The following POLD1 variants were observed in gnomAD, a reference collection of about 807,000 sequenced individuals.
POLD1 encodes DNA polymerase delta catalytic subunit.
POLD1 carries 79 observed loss-of-function variants against 129.7 expected under a neutral mutation model. The observed-to-expected ratio is 0.61, with a 90% confidence interval of 0.51 to 0.73. The LOEUF (loss-of-function observed/expected upper bound fraction) is 0.73, where lower values mean the gene tolerates loss of function less well. Ranked by LOEUF, POLD1 falls within the 30% of genes least tolerant of loss-of-function variation. POLD1 has a pLI of 0.00. For missense variants in POLD1, 1,338 were observed against 1,595.8 expected (o/e 0.84, Z 2.75); for synonymous variants, 714 against 683.3 (o/e 1.04, Z -0.70).
chr19:50,391,517 G>A (rs1223726198), intron 1 of POLD1, among the ~76,000 whole-genome samples: 2 of 152,176 alleles, frequency 1.3e-5, no homozygotes, highest in Non-Finnish European at 2.9e-5. Context: ...CCAACACGGC[G>A]AAACCCCGTC....
chr19:50,394,854 A>C (rs1174764428), intron 1 of POLD1, among the ~76,000 whole-genome samples: 1 of 151,762 alleles, frequency 6.6e-6, no homozygotes, highest in African/African-American at 2.4e-5. Context: ...TTGTTTTTTG[A>C]GACAGAATTT....
Position 50,415,832 on chromosome 19 carries a change from G to T in POLD1, c.2820+6G>T. 1 of 1,484,924 alleles carries T rather than the reference G, an allele frequency of 6.7e-7. No individual in the cohort carries two copies. The highest frequency in any genetic ancestry group is 9.0e-7 in the Non-Finnish European group (1 of 1,111,620). The allele number at this position is 1,484,924 out of a possible 1,614,324, so 92.0% of individuals were successfully genotyped here. Reference sequence around the variant, plus strand: ...CCGCCTACATGAAGTCGGAGGTCAGGCCCACCTGGCTGCCTGCTCCCGCCC... The same window carrying T: ...CCGCCTACATGAAGTCGGAGGTCAGTCCCACCTGGCTGCCTGCTCCCGCCC... On this transcript the variant is annotated splice_donor_region_variant and intron_variant, in intron 22 of 26. Transcript: ENST00000440232.
chr19:50,416,022 C>G, intron 22 of POLD1, 196 bp downstream of exon 22: 5 of 585,410 alleles, frequency 8.5e-6, no homozygotes, highest in Non-Finnish European at 1.2e-5. Flanking sequence ...CCCTTGCTTC[C>G]CTATGGAAGG....
chr19:50,405,391 C>T (rs1278093431), intron 10 of POLD1, among the ~76,000 whole-genome samples: 1 of 152,138 alleles, frequency 6.6e-6, no homozygotes, highest in African/African-American at 2.4e-5. Context: ...GATATATTGC[C>T]TTATTTTCCT....
chr19:50,401,679 T>C, intron 3 of POLD1, 99 bp from the exon 4 acceptor site: 1 of 1,316,568 alleles, frequency 7.6e-7, no homozygotes, highest in East Asian at 2.3e-5. Flanking sequence ...GGGGCAGGAG[T>C]GCCCCAGGCT....
rs2122383044 is a variant in POLD1, at chr19:50,409,489, T to A, written c.2007-30T>A. 1 of 1,613,390 alleles carries A rather than the reference T, an allele frequency of 6.2e-7. No homozygotes were observed. The highest frequency in any genetic ancestry group is 8.5e-7 in the Non-Finnish European group (1 of 1,179,968). Reference sequence around the variant, plus strand: ...CCCTGACCAATGCCCAGGTGCCGCCTGAGTGTGCTTTCCCCGTGTTCCCTC... The same window carrying A: ...CCCTGACCAATGCCCAGGTGCCGCCAGAGTGTGCTTTCCCCGTGTTCCCTC... On this transcript the variant is annotated intron_variant, in intron 16 of 26. Coordinates refer to ENST00000440232, the MANE Select transcript of POLD1 (RefSeq NM_002691.4). This position sits in a 1 kb window ranked among gnomAD's most constrained non-coding sequence, Gnocchi z 5.8.
chr19:50,397,343 T>TG (rs1279315830), intron 1 of POLD1, among the ~76,000 whole-genome samples: 19 of 150,836 alleles, frequency 1.3e-4, no homozygotes, highest in Admixed American at 7.9e-4. Context: ...AAGCGGAAGT[T>TG]GCAGTGAATC....
intron 1 of POLD1, among the ~76,000 whole-genome samples, chr19:50,398,074 C>T (rs904913424): frequency 2.6e-5 from 4 of 152,242 alleles, no homozygotes; most frequent in East Asian, 3.9e-4. Flanking sequence ...CAGAGAGAGG[C>T]GGTGAGAGAG....
chr19:50,403,407 G>A, intron 9 of POLD1, 86 bp from the exon 10 acceptor site: 2 of 1,215,810 alleles, frequency 1.6e-6, no homozygotes, highest in Non-Finnish European at 2.4e-6. Context: ...ATTTTCAGGG[G>A]TGGCTGGGGT....
intron 8 of POLD1, 45 bp from the exon 9 acceptor site, chr19:50,403,008 G>A: frequency 6.5e-7 from 1 of 1,546,786 alleles, no homozygotes; most frequent in Non-Finnish European, 8.7e-7. Flanking sequence ...GCTGTGTTGG[G>A]AGTGAGGGGC....
At chr19:50,415,279 C>CA (rs1238593800) in intron 20 of POLD1, among the ~76,000 whole-genome samples, 159 bp from the exon 21 acceptor site, 1 of 152,212 alleles carries the variant, frequency 6.6e-6, no homozygotes, top group Non-Finnish European at 1.5e-5. Context: ...GGTTCAGGCC[C>CA]TGCCTCTGCC....
chr19:50,400,863 A>G (rs1485975730), intron 3 of POLD1, among the ~76,000 whole-genome samples: 1 of 151,140 alleles, frequency 6.6e-6, no homozygotes, highest in Non-Finnish European at 1.5e-5. Context: ...CTCCTGGCTA[A>G]TTTTTTGTAT....
chr19:50,406,600 C>T lies in POLD1; in HGVS notation c.1494+83C>T, dbSNP rs1460784134. 14 of 1,016,758 alleles carry T rather than the reference C, an allele frequency of 1.4e-5. No individual in the cohort carries two copies. The highest frequency in any genetic ancestry group is 1.6e-5 in the African/African-American group (1 of 63,200). 63.0% of individuals were successfully genotyped at this position (1,016,758 alleles called of 1,614,324 possible). On this transcript the variant is annotated intron_variant, in intron 12 of 26. Transcript: ENST00000440232. This position sits in a 1 kb window ranked among gnomAD's most constrained non-coding sequence, Gnocchi z 5.5. Reference sequence around the variant, plus strand: ...CCGGCCTCTGACCTCAACTTCACGCCCCCACGTCTGACCTCACTCTTTGAC... The same window carrying T: ...CCGGCCTCTGACCTCAACTTCACGCTCCCACGTCTGACCTCACTCTTTGAC...
intron 3 of POLD1, among the ~76,000 whole-genome samples, chr19:50,401,359 G>GTGTGTA (rs1177431255): frequency 1.5e-4 from 14 of 90,480 alleles, no homozygotes; most frequent in East Asian, 6.0e-4. Context: ...GTGTATTTGT[G>GTGTGTA]TATATGTGTA....
In POLD1 at chr19:50,409,556, C is replaced by A. The variant is rs758260006; in HGVS notation, c.2044C>A (p.Arg682=). Residue 682 remains arginine (R), a synonymous_variant, in exon 17 of 27, where the codon CGG becomes AGG. Coordinates refer to ENST00000440232, the MANE Select transcript of POLD1 (RefSeq NM_002691.4). The surrounding 1 kb of genome is among the most constrained non-coding windows in gnomAD (Gnocchi z 5.8). ...AELAKETDPL[R]RQVLDGRQLA... is the part of the protein sequence containing the mutation. ...GCTGGCCAAGGAGACAGACCCCCTC[C>A]GGCGCCAGGTCCTGGATGGACGGCA... 2 of 1,613,528 alleles carry A rather than the reference C, an allele frequency of 1.2e-6. No individual in the cohort carries two copies. Among genetic ancestry groups the A allele is most frequent in the Non-Finnish European group, 1.7e-6 (2 of 1,180,036 alleles).
Position 50,403,105 on chromosome 19 carries a change from C to T in POLD1, c.1023C>T (p.Gly341=), listed in dbSNP as rs1601204206. The T allele has an allele frequency of 1.3e-6, 2 of 1,565,210 alleles. No homozygotes were observed. The highest frequency in any genetic ancestry group is 1.7e-4 in the Middle Eastern group (1 of 5,968). ...RDPVIQICSL[G]LRWGEPEPFL... ...CTGTCATCCAGATCTGCTCGCTGGG[C>T]CTGCGCTGGGGGGAGCCGGAGCCCT... The change falls in exon 9 of 27, where the codon GGC becomes GGT. Residue 341 remains glycine, a synonymous_variant. Coordinates refer to ENST00000440232, the MANE Select transcript of POLD1 (RefSeq NM_002691.4).
At position 50,406,545 on chromosome 19, in the gene POLD1, C is replaced by G. The variant is rs1363622918; in HGVS notation, c.1494+28C>G. 1 of 1,500,040 alleles carries G rather than the reference C, an allele frequency of 6.7e-7. No homozygotes were observed. Among genetic ancestry groups the G allele is most frequent in the South Asian group, 1.2e-5 (1 of 83,368 alleles). 92.9% of individuals were successfully genotyped at this position (1,500,040 alleles called of 1,614,324 possible). ...GCCTGCTGCCTCCCTGACCTCTCAC[C>G]CCAACCTCTGACCTCCACCTCACCC... On this transcript the variant is annotated intron_variant, in intron 12 of 26. Coordinates refer to ENST00000440232, the MANE Select transcript of POLD1 (RefSeq NM_002691.4). This position sits in a 1 kb window ranked among gnomAD's most constrained non-coding sequence, Gnocchi z 5.5.
chr19:50,399,368 C>A lies in POLD1; in HGVS notation c.203-3C>A. ...ACTCCACTTCCTTCCCTTCCCCCAC[C>A]AGGGCAGGTCCCACCATCAGCCATA... On this transcript the variant is annotated splice_polypyrimidine_tract_variant and splice_region_variant and intron_variant, in intron 2 of 26. Transcript: ENST00000440232. The A allele has an allele frequency of 6.2e-7, 1 of 1,610,250 alleles. No homozygotes were observed. The highest frequency in any genetic ancestry group is 8.5e-7 in the Non-Finnish European group (1 of 1,176,528).
intron 3 of POLD1, 129 bp from the exon 4 acceptor site, chr19:50,401,649 T>G: frequency 1.0e-6 from 1 of 986,250 alleles, no homozygotes; most frequent in Non-Finnish European, 1.5e-6. Flanking sequence ...GAGGCTGAAA[T>G]GGACACAGGG....
Sources: allele counts gnomAD v4.1 joint callset (sites outside exome capture counted in the v4.1 genomes callset), GRCh38; gene constraint gnomAD v4.1.1; non-coding constraint Gnocchi (gnomAD v3.1); transcripts MANE v1.5; gene names NCBI Gene and HGNC (gene_info 2026-07-23, HGNC 2026-07-21).